Variants in CFAP57 observed in about 807,000 individuals in gnomAD.
CFAP57 encodes the protein cilia- and flagella-associated protein 57.
In CFAP57, 116 loss-of-function variants were observed where a neutral mutation model predicts 146.8. That is an observed-to-expected ratio of 0.79 (90% CI 0.68 to 0.92). CFAP57 has a LOEUF of 0.92. Among genes scored for constraint, CFAP57 ranks in the 40% least tolerant of loss-of-function variants. The pLI is 0.00. For synonymous variants in CFAP57, 518 were observed against 552.8 expected (o/e 0.94, Z 0.88); for missense variants, 1,377 against 1,527.2 (o/e 0.90, Z 1.64).
intron 19 of CFAP57, 65 bp downstream of exon 19, chr1:43,232,689 G>C: frequency 8.0e-7 from 1 of 1,249,094 alleles, no homozygotes; most frequent in East Asian, 2.6e-5. Context: ...GCAATGGGCA[G>C]CTGGCTTCCA....
chr1:43,223,085 T>C (rs1202008417), intron 16 of CFAP57, 88 bp downstream of exon 16: 1 of 1,389,802 alleles, frequency 7.2e-7, no homozygotes, highest in African/African-American at 1.5e-5. Flanking sequence ...CTGGGGGTGC[T>C]GGCCAGGGTC....
At chr1:43,195,273 C>T (rs1358979596) in intron 6 of CFAP57, among the ~76,000 whole-genome samples, 1 of 152,102 alleles carries the variant, frequency 6.6e-6, no homozygotes, top group Admixed American at 6.5e-5. Context: ...CCTATAATCC[C>T]AGCACTTTGG....
intron 22 of CFAP57, among the ~76,000 whole-genome samples, chr1:43,251,228 G>T (rs1292668288): frequency 6.6e-6 from 1 of 152,250 alleles, no homozygotes; most frequent in Non-Finnish European, 1.5e-5. Flanking sequence ...TCACTGGGAG[G>T]ACAAGTATTA....
intron 21 of CFAP57, among the ~76,000 whole-genome samples, chr1:43,239,706 A>T (rs567567819): frequency 6.6e-6 from 1 of 152,312 alleles, no homozygotes; most frequent in African/African-American, 2.4e-5. Context: ...GATGATTGTT[A>T]TTGAGTTATT....
rs1645419691 is a variant in CFAP57, at chr1:43,181,802, A to G, written c.426A>G (p.Lys142=). Residue 142 remains lysine (K), a synonymous_variant, in exon 3 of 23, where the codon AAA becomes AAG. Coordinates refer to ENST00000372492, the MANE Select transcript of CFAP57 (RefSeq NM_001378189.1). ...TCTACTGGCTGTGGGAAAAACAGAAAGTAATGGCCATTGTTAGAATCGACA... is the reference window on the plus strand; with the variant it reads ...TCTACTGGCTGTGGGAAAAACAGAAGGTAATGGCCATTGTTAGAATCGACA... ...NLVYWLWEKQ[K]VMAIVRIDTQ... is the part of the protein sequence containing the mutation. 8 of 1,614,110 alleles carry G rather than the reference A, an allele frequency of 5.0e-6. No homozygotes were observed. In the Admixed American group the frequency reaches 5.0e-5, roughly 10 times the overall value.
chr1:43,209,384 A>G (rs981792705), intron 10 of CFAP57, among the ~76,000 whole-genome samples: 12 of 152,256 alleles, frequency 7.9e-5, no homozygotes, highest in Non-Finnish European at 5.9e-5. Context: ...TCCGTCATCC[A>G]TAGACTAGGG....
Position 43,186,701 on chromosome 1 carries a change from G to C in CFAP57, c.970-6G>C, listed in dbSNP as rs759312071. The C allele has an allele frequency of 1.2e-5, 19 of 1,613,464 alleles. No homozygotes were observed. The highest frequency in any genetic ancestry group is 1.6e-5 in the Non-Finnish European group (19 of 1,179,746). Reference sequence around the variant, plus strand: ...ATTACTGATAGCTGTTTTGCATTTTGGGCAGATTCCTGTGGACCCGCAGAG... The same window carrying C: ...ATTACTGATAGCTGTTTTGCATTTTCGGCAGATTCCTGTGGACCCGCAGAG... On this transcript the variant is annotated splice_region_variant and splice_polypyrimidine_tract_variant and intron_variant, in intron 5 of 22. Transcript: ENST00000372492.
Position 43,183,737 on chromosome 1 carries a change from T to C in CFAP57, c.621T>C (p.Ala207=), listed in dbSNP as rs1464821398. 3 of 1,614,214 alleles carry C rather than the reference T, an allele frequency of 1.9e-6. No individual in the cohort carries two copies. The highest frequency in any genetic ancestry group is 1.3e-5 in the African/African-American group (1 of 75,052). The change falls in exon 4 of 23, where the codon GCT becomes GCC. Residue 207 remains alanine (A), a synonymous_variant. Coordinates refer to ENST00000372492, the MANE Select transcript of CFAP57 (RefSeq NM_001378189.1). ...PQNYLAHTWV[A]DDKIVVGTDT... The stretch of plus-strand genomic sequence containing the variant: ...ACTATCTAGCTCACACCTGGGTGGC[T>C]GATGACAAGATTGTCGTTGGCACTG...
At chr1:43,223,156 C>T (rs1016537450) in intron 16 of CFAP57, among the ~76,000 whole-genome samples, 159 bp downstream of exon 16, 6 of 152,184 alleles carry the variant, frequency 3.9e-5, no homozygotes, top group East Asian at 3.9e-4. Context: ...TGCACCCTCA[C>T]GCAGATGGAC....
chr1:43,232,080 A>G (rs779053057), intron 18 of CFAP57: 5 of 701,608 alleles, frequency 7.1e-6, no homozygotes, highest in African/African-American at 5.2e-5. Flanking sequence ...ACCCCATTCT[A>G]AAGTGGCCCC....
At chr1:43,228,764 G>GATAATT (rs1645354597) in intron 18 of CFAP57, among the ~76,000 whole-genome samples, 1 of 148,832 alleles carries the variant, frequency 6.7e-6, no homozygotes, top group Admixed American at 6.6e-5. Context: ...CTTTAGAAGG[G>GATAATT]ATAATTTATG....
chr1:43,243,924 G>A (rs760056473), intron 22 of CFAP57, among the ~76,000 whole-genome samples: 9 of 152,134 alleles, frequency 5.9e-5, no homozygotes, highest in Admixed American at 2.0e-4. Context: ...AATTTCTGAC[G>A]GCCAAGGCAA....
chr1:43,210,010 C>G, intron 11 of CFAP57, 94 bp downstream of exon 11: 1 of 1,613,072 alleles, frequency 6.2e-7, no homozygotes, highest in South Asian at 1.1e-5. Flanking sequence ...TTTCTCTCTC[C>G]TTCTTCTCTC....
chr1:43,228,083 G>A (rs893041047), intron 18 of CFAP57, among the ~76,000 whole-genome samples: 2 of 152,120 alleles, frequency 1.3e-5, no homozygotes, highest in African/African-American at 4.8e-5. Flanking sequence ...CCACATAGAG[G>A]CCTGAGTGAA....
intron 6 of CFAP57, among the ~76,000 whole-genome samples, chr1:43,189,458 T>A (rs937867945): frequency 6.6e-6 from 1 of 152,246 alleles, no homozygotes; most frequent in East Asian, 1.9e-4. Context: ...CTTTTGCACT[T>A]CTTTTGTTAA....
At position 43,181,546 on chromosome 1, in the gene CFAP57, G is replaced by C; in HGVS notation, c.170G>C (p.Ser57Thr). ...WQKFIPGSEK[S>T]QGMLALSISP... ...CCTCTGTTTGCAGGCTCAGAGAAGAGTCAGGGCATGTTGGCCTTGTCCATC... is the reference window on the plus strand; with the variant it reads ...CCTCTGTTTGCAGGCTCAGAGAAGACTCAGGGCATGTTGGCCTTGTCCATC... The change falls in exon 3 of 23, where the codon AGT becomes ACT. Residue 57 changes from serine (S) to threonine (T), a missense_variant. By Grantham distance (58) the Ser-to-Thr change is moderately conservative (BLOSUM62 1). Transcript: ENST00000372492. 2 of 1,614,182 alleles carry C rather than the reference G, an allele frequency of 1.2e-6. No individual in the cohort carries two copies. Among genetic ancestry groups the C allele is most frequent in the Non-Finnish European group, 1.7e-6 (2 of 1,180,032 alleles).
chr1:43,245,735 C>T (rs1646091875), intron 22 of CFAP57, among the ~76,000 whole-genome samples: 1 of 152,174 alleles, frequency 6.6e-6, no homozygotes, highest in Non-Finnish European at 1.5e-5. Context: ...AACACAGTGG[C>T]TAAAAACAGA....
chr1:43,183,465 A>G lies in CFAP57; in HGVS notation c.475-126A>G, dbSNP rs1407521535. ...CTTATCAAATGCAGCATAAAGTTAC[A>G]TGATTTTGTGATGTTTTGGAGATAT... is the stretch of plus-strand genomic sequence containing the variant. On this transcript the variant is annotated intron_variant, in intron 3 of 22. Transcript: ENST00000372492. 4 of 861,538 alleles carry G rather than the reference A, an allele frequency of 4.6e-6. No homozygotes were observed. In the African/African-American group the frequency reaches 5.1e-5, roughly 11 times the overall value. The allele number at this position is 861,538 out of a possible 1,614,324, so 53.4% of individuals were successfully genotyped here.
At chr1:43,253,122 G>A (rs890522327) in intron 22 of CFAP57, among the ~76,000 whole-genome samples, 1 of 152,196 alleles carries the variant, frequency 6.6e-6, no homozygotes, top group African/African-American at 2.4e-5. Context: ...AGGAGGACAG[G>A]GCAACTAGAA....
Sources: gnomAD v4.1 joint callset for allele counts (sites outside exome capture counted in the v4.1 genomes callset) on GRCh38, gnomAD v4.1.1 for gene constraint, MANE v1.5 for transcripts, NCBI Gene and HGNC (gene_info 2026-07-23, HGNC 2026-07-21) for gene names.